The following EPG5 variants were observed in gnomAD, a reference collection of about 807,000 sequenced individuals.
EPG5 encodes ectopic P granules protein 5 homolog.
A neutral mutation model predicts 302.7 loss-of-function variants in EPG5; 159 were observed. That is an observed-to-expected ratio of 0.53 (90% CI 0.46 to 0.60). The LOEUF is 0.60. Ranked by LOEUF, EPG5 falls within the 20% of genes least tolerant of loss-of-function variation. EPG5 has a pLI of 0.00. For synonymous variants in EPG5, 1,158 were observed against 1,136.8 expected (o/e 1.02, Z -0.37); for missense variants, 2,896 against 3,092.4 (o/e 0.94, Z 1.51).
At chr18:45,965,940 T>C (rs11659373) in intron 1 of EPG5, among the ~76,000 whole-genome samples, 2,291 of 151,122 alleles carry the variant, frequency 0.015, 34 homozygotes, top group Middle Eastern at 0.046. Context: ...GTAATCCCAG[T>C]TACTCGGGAG....
intron 1 of EPG5, among the ~76,000 whole-genome samples, chr18:45,964,573 G>C (rs939301068): frequency 6.6e-6 from 1 of 152,024 alleles, no homozygotes; most frequent in Non-Finnish European, 1.5e-5. Context: ...TCGTTAAGTA[G>C]GTTTAGGGAT....
At chr18:45,824,885 G>A in the EPG5 span, among the ~76,000 whole-genome samples, 1 of 152,030 alleles carries the variant, frequency 6.6e-6, no homozygotes, top group African/African-American at 2.4e-5. Context: ...GAAGAAACGG[G>A]TCTGGCTCTG....
downstream of EPG5, among the ~76,000 whole-genome samples, chr18:45,845,012 C>T (rs189276189): frequency 4.6e-5 from 7 of 152,268 alleles, no homozygotes; most frequent in African/African-American, 1.7e-4. Flanking sequence ...TTTTACAGTC[C>T]GTATTCAGAT....
the EPG5 span, among the ~76,000 whole-genome samples, chr18:45,835,958 C>T: frequency 0.14 from 21,015 of 152,152 alleles, 2,112 homozygotes; most frequent in East Asian, 0.35. Flanking sequence ...AGACCCTGCA[C>T]GGGGCCATCA....
In EPG5 at chr18:45,940,628, C is replaced by T. The variant is rs573860544; in HGVS notation, c.1944-873G>A. On this transcript the variant is annotated intron_variant, in intron 9 of 43. Transcript: ENST00000282041. ...CACACTAGTATCCCTGCAATTAGAA[C>T]GTCAGAATCCATGTTAATATTAATG... Among the ~76,000 whole-genome samples, 15 of 152,260 alleles carry T rather than the reference C, an allele frequency of 9.9e-5. No individual in the cohort carries two copies. The South Asian group carries it at 3.1e-3, about 31-fold the overall frequency.
chr18:45,962,065 G>T lies in EPG5; in HGVS notation c.63+5112C>A, dbSNP rs2051160308. ...AGCTCCACTAAGGCCAGGTTCTTTG[G>T]GGTTTTTTCTCTTTTACATCCCAAG... On this transcript the variant is annotated intron_variant, in intron 1 of 43. Transcript: ENST00000282041. 4.0e-5 allele frequency among the ~76,000 whole-genome samples: 6 copies of T among 148,274 alleles called. No homozygotes were observed. In the Admixed American group the frequency reaches 4.3e-4, roughly 11 times the overall value.
At position 45,922,468 on chromosome 18, in the gene EPG5, C is replaced by G. The variant is rs1327179728; in HGVS notation, c.2971G>C (p.Val991Leu). 2 of 1,614,214 alleles carry G rather than the reference C, an allele frequency of 1.2e-6. No individual in the cohort carries two copies. The highest frequency in any genetic ancestry group is 1.1e-5 in the South Asian group (1 of 91,082). ...DYGIQPNCPAVPFSVTVPDMT... is the reference protein window; with the variant it reads ...DYGIQPNCPALPFSVTVPDMT... ...TCAGGCACAGTGACGGAGAAGGGAACAGCTGGACAATTCGGCTGTATTCCA... is the reference window on the plus strand; with the variant it reads ...TCAGGCACAGTGACGGAGAAGGGAAGAGCTGGACAATTCGGCTGTATTCCA... Residue 991 changes from valine (V) to leucine (L), a missense_variant, in exon 16 of 44, where the codon GTT becomes CTT. This residue lies in a region of EPG5 where 1,390 missense variants were observed against 1,430.0 expected (regional missense o/e 0.97). Coordinates refer to ENST00000282041, the MANE Select transcript of EPG5 (RefSeq NM_020964.3).
chr18:45,910,852 C>T (rs1176272299), intron 22 of EPG5, 110 bp from the exon 23 acceptor site: 9 of 763,860 alleles, frequency 1.2e-5, no homozygotes, highest in East Asian at 1.1e-4. Flanking sequence ...TGTGGATATA[C>T]ACCATTAAAT....
intron 4 of EPG5, among the ~76,000 whole-genome samples, chr18:45,949,868 T>G (rs1267675080): frequency 2.0e-5 from 3 of 152,214 alleles, no homozygotes; most frequent in Non-Finnish European, 2.9e-5. Flanking sequence ...TAGATATAAG[T>G]CAAGTAGTTT....
chr18:45,963,048 T>C (rs1318909911), intron 1 of EPG5, among the ~76,000 whole-genome samples: 1 of 152,180 alleles, frequency 6.6e-6, no homozygotes, highest in Admixed American at 6.5e-5. Flanking sequence ...TGGCATTTAT[T>C]TCATCATTCG....
chr18:45,855,478 T>A (rs1191909851), intron 43 of EPG5, 95 bp downstream of exon 43: 1 of 803,490 alleles, frequency 1.2e-6, no homozygotes, highest in African/African-American at 1.7e-5. Flanking sequence ...CCACAGAGCA[T>A]CATGTCATGA....
At chr18:45,895,204 A>G (rs1218110180) in intron 27 of EPG5, among the ~76,000 whole-genome samples, 1 of 152,206 alleles carries the variant, frequency 6.6e-6, no homozygotes, top group Non-Finnish European at 1.5e-5. Context: ...TTGGGAGACC[A>G]GCTATGTGAA....
the EPG5 span, among the ~76,000 whole-genome samples, chr18:45,819,894 G>A: frequency 3.3e-5 from 5 of 152,190 alleles, no homozygotes; most frequent in Non-Finnish European, 7.4e-5. Flanking sequence ...CTGTGAGCCA[G>A]GCACTAGGCA....
chr18:45,946,156 C>G (rs1379108161), intron 7 of EPG5, among the ~76,000 whole-genome samples: 1 of 152,162 alleles, frequency 6.6e-6, no homozygotes, highest in Non-Finnish European at 1.5e-5. Flanking sequence ...TCATTAAATT[C>G]TCACCAAAAA....
Position 45,967,298 on chromosome 18 carries a change from C to T in EPG5, c.-59G>A. Reference sequence around the variant, plus strand: ...TGTCAAACCCCTGCGCTTCAAGCAACCTGCCCGGTTCTGGCCTCCGGACTG... The same window carrying T: ...TGTCAAACCCCTGCGCTTCAAGCAATCTGCCCGGTTCTGGCCTCCGGACTG... On this transcript the variant is annotated 5_prime_UTR_variant, in exon 1 of 44. Transcript: ENST00000282041. 1.3e-6 allele frequency: 2 copies of T among 1,487,512 alleles called. No homozygotes were observed. Among genetic ancestry groups the T allele is most frequent in the Non-Finnish European group, 9.0e-7 (1 of 1,107,888 alleles). 92.1% of individuals were successfully genotyped at this position (1,487,512 alleles called of 1,614,324 possible). A position where few individuals can be genotyped will look rare whatever the true frequency, so the allele number is the denominator to read the frequency against.
chr18:45,922,294 C>A, intron 16 of EPG5, 47 bp downstream of exon 16: 1 of 1,589,026 alleles, frequency 6.3e-7, no homozygotes, highest in Non-Finnish European at 8.6e-7. Context: ...AATTCTAGAA[C>A]TATCTGCAAG....
In EPG5 at chr18:45,850,357, C is replaced by T. The variant is rs1056058816; in HGVS notation, c.*2110G>A. 6.6e-6 allele frequency: 1 copy of T among 152,404 alleles called. No individual in the cohort carries two copies. Among genetic ancestry groups the T allele is most frequent in the East Asian group, 1.9e-4 (1 of 5,190 alleles). 9.4% of individuals were successfully genotyped at this position (152,404 alleles called of 1,614,324 possible). A position where few individuals can be genotyped will look rare whatever the true frequency, so the allele number is the denominator to read the frequency against. On this transcript the variant is annotated 3_prime_UTR_variant, in exon 44 of 44. Coordinates refer to ENST00000282041, the MANE Select transcript of EPG5 (RefSeq NM_020964.3). The stretch of plus-strand genomic sequence containing the variant: ...GCGGGCTGGTCTCTCTGCCGCCCTT[C>T]TTTCCCAGGAGGCTACAGCAGCATG...
intron 16 of EPG5, among the ~76,000 whole-genome samples, chr18:45,918,154 C>T: frequency 6.6e-6 from 1 of 152,174 alleles, no homozygotes; most frequent in Non-Finnish European, 1.5e-5. Context: ...TCAAAAAGAG[C>T]TTCTCCTAAG....
chr18:45,923,179 T>A (rs553120917), intron 15 of EPG5, 89 bp downstream of exon 15: 2 of 1,375,364 alleles, frequency 1.5e-6, no homozygotes. Context: ...GGATACCTAA[T>A]GGTCAATAGT....
Sources: allele counts gnomAD v4.1 joint callset (sites outside exome capture counted in the v4.1 genomes callset), GRCh38; gene constraint gnomAD v4.1.1; regional missense constraint gnomAD v4.1.1; transcripts MANE v1.5; gene names NCBI Gene and HGNC (gene_info 2026-07-23, HGNC 2026-07-21).